SAMMSON: variants seen among roughly 807,000 people sequenced by gnomAD.
The protein encoded by SAMMSON is survival associated mitochondrial melanoma specific oncogenic non-coding RNA.
At chr3:70,210,677 G>T (rs913776749) in intron 4 of SAMMSON, among the ~76,000 whole-genome samples, 1 of 151,996 alleles carries the variant, frequency 6.6e-6, no homozygotes, top group Non-Finnish European at 1.5e-5. Flanking sequence ...CTATATTTGG[G>T]ATGTTATTCA....
chr3:70,384,336 A>G (rs1703102831), intron 9 of SAMMSON, among the ~76,000 whole-genome samples: 1 of 152,090 alleles, frequency 6.6e-6, no homozygotes, highest in Non-Finnish European at 1.5e-5. Flanking sequence ...AAGAAAATCA[A>G]ATGATAGGAA....
intron 9 of SAMMSON, among the ~76,000 whole-genome samples, chr3:70,367,069 T>C (rs1702927907): frequency 6.6e-6 from 1 of 151,734 alleles, no homozygotes; most frequent in Admixed American, 6.6e-5. Flanking sequence ...ATGGAGTATC[T>C]GTGGTGTTTT....
At chr3:70,324,199 C>CATCTATCTATCT (rs56024776) in intron 7 of SAMMSON, among the ~76,000 whole-genome samples, 2 of 90,230 alleles carry the variant, frequency 2.2e-5, no homozygotes, top group African/African-American at 8.8e-5. Flanking sequence ...ATCTATCTAT[C>CATCTATCTATCT]ATCTATCTAT....
At chr3:70,415,964 C>G (rs1701261766) in intron 2 of SAMMSON, among the ~76,000 whole-genome samples, 1 of 152,132 alleles carries the variant, frequency 6.6e-6, no homozygotes, top group Non-Finnish European at 1.5e-5. Context: ...TCTCCTATCA[C>G]TATTTTGATG....
chr3:70,377,170 A>G (rs1006719542), intron 9 of SAMMSON, among the ~76,000 whole-genome samples: 2 of 152,148 alleles, frequency 1.3e-5, no homozygotes, highest in Admixed American at 1.3e-4. Flanking sequence ...CTGAATGTCC[A>G]TGTGGAAGAA....
chr3:70,265,260 G>A (rs1701905795), intron 6 of SAMMSON, among the ~76,000 whole-genome samples: 1 of 152,164 alleles, frequency 6.6e-6, no homozygotes, highest in Non-Finnish European at 1.5e-5. Flanking sequence ...AGATATAGGG[G>A]ATTGAAAGGA....
chr3:70,018,511 T>A (rs1315621666), intron 3 of SAMMSON, among the ~76,000 whole-genome samples: 3 of 152,188 alleles, frequency 2.0e-5, no homozygotes, highest in African/African-American at 7.2e-5. Context: ...ATCAATTTTG[T>A]TGATCTTTTC....
At chr3:70,298,487 T>C (rs1033114797) in intron 7 of SAMMSON, among the ~76,000 whole-genome samples, 1 of 152,150 alleles carries the variant, frequency 6.6e-6, no homozygotes, top group Admixed American at 6.6e-5. Context: ...CTCATAAATA[T>C]GAATGAAGCA....
At chr3:70,358,644 C>T (rs1383225807) in intron 9 of SAMMSON, among the ~76,000 whole-genome samples, 1 of 152,082 alleles carries the variant, frequency 6.6e-6, no homozygotes, top group Non-Finnish European at 1.5e-5. Context: ...CTCCACCTGT[C>T]ATCTCCTAAA....
At chr3:70,406,375 A>C (rs557687647) in intron 2 of SAMMSON, among the ~76,000 whole-genome samples, 1 of 152,328 alleles carries the variant, frequency 6.6e-6, no homozygotes, top group South Asian at 2.1e-4. Flanking sequence ...TTTAGACAAA[A>C]TCTGAGAGAA....
At chr3:70,402,940 T>C (rs536336674) in intron 2 of SAMMSON, among the ~76,000 whole-genome samples, 1 of 151,816 alleles carries the variant, frequency 6.6e-6, no homozygotes, top group Non-Finnish European at 1.5e-5. Flanking sequence ...TGTATATATA[T>C]TATATATATA....
At chr3:70,016,318 T>G (rs1397594483) in intron 3 of SAMMSON, among the ~76,000 whole-genome samples, 1 of 152,200 alleles carries the variant, frequency 6.6e-6, no homozygotes, top group African/African-American at 2.4e-5. Flanking sequence ...TGGCCAGTGA[T>G]GATGAGCATT....
chr3:70,426,048 G>T (rs556510646), intron 2 of SAMMSON, among the ~76,000 whole-genome samples: 2 of 152,116 alleles, frequency 1.3e-5, no homozygotes. Context: ...ACCCAGAAAA[G>T]GTAGCACATG....
chr3:70,264,216 G>T (rs1010431051), intron 6 of SAMMSON, among the ~76,000 whole-genome samples: 1 of 152,176 alleles, frequency 6.6e-6, no homozygotes, highest in African/African-American at 2.4e-5. Flanking sequence ...CAATGGCAAT[G>T]ACTTGAACAT....
chr3:70,264,310 T>C (rs751474968), intron 6 of SAMMSON, among the ~76,000 whole-genome samples: 4 of 152,228 alleles, frequency 2.6e-5, no homozygotes, highest in African/African-American at 4.8e-5. Context: ...TTTGCCACAA[T>C]GCAGGCCTTT....
intron 2 of SAMMSON, among the ~76,000 whole-genome samples, chr3:70,405,577 T>A (rs966926170): frequency 6.6e-6 from 1 of 152,166 alleles, no homozygotes; most frequent in Admixed American, 6.5e-5. Context: ...AGAATGGGCT[T>A]AATAGGAGAT....
intron 7 of SAMMSON, among the ~76,000 whole-genome samples, chr3:70,307,369 T>G (rs929212457): frequency 1.3e-5 from 2 of 152,146 alleles, no homozygotes; most frequent in Non-Finnish European, 2.9e-5. Context: ...TGGCAACAAT[T>G]TAAGGGCTTC....
chr3:70,024,859 G>A (rs905448072), intron 3 of SAMMSON: 1 of 152,228 alleles, frequency 6.6e-6, no homozygotes, highest in Admixed American at 6.5e-5. Context: ...AAGATGCAGA[G>A]GAAAAGGAGT....
At chr3:70,203,308 A>G (rs1401566022) in intron 4 of SAMMSON, among the ~76,000 whole-genome samples, 1 of 152,144 alleles carries the variant, frequency 6.6e-6, no homozygotes, top group Non-Finnish European at 1.5e-5. Flanking sequence ...AAAGTTTCCA[A>G]AAGTGTAAAA....
Sources: gnomAD v4.1 joint callset for allele counts (sites outside exome capture counted in the v4.1 genomes callset) on GRCh38, gnomAD v4.1.1 for gene constraint, MANE v1.5 for transcripts, NCBI Gene and HGNC (gene_info 2026-07-23, HGNC 2026-07-21) for gene names.